The following SCAMP5 variants were observed in gnomAD, a reference collection of about 807,000 sequenced individuals.
SCAMP5 encodes secretory carrier membrane protein 5.
Under a neutral mutation model 28.3 loss-of-function variants are expected in SCAMP5, and 7 were observed. That is an observed-to-expected ratio of 0.25 (90% CI 0.14 to 0.46). The LOEUF (loss-of-function observed/expected upper bound fraction) is 0.46. Among genes scored for constraint, SCAMP5 ranks in the 20% least tolerant of loss-of-function variants. The pLI, the probability that SCAMP5 is intolerant of heterozygous loss-of-function variation, is 0.99. For missense variants in SCAMP5, 192 were observed against 312.5 expected, an observed-to-expected ratio of 0.61 and a Z score of 2.91; for synonymous variants, 117 against 116.4, an observed-to-expected ratio of 1.00 and a Z score of -0.03.
In SCAMP5 at chr15:74,995,605, C is replaced by A. The variant is rs969524246; in HGVS notation, c.-117C>A. On this transcript the variant is annotated 5_prime_UTR_variant, in exon 1 of 7. Coordinates refer to ENST00000425597, the MANE Select transcript of SCAMP5 (RefSeq NM_138967.4). ...GAGCGGCTCGCGGCCGGCTCCGCGC[C>A]GCATCGCTCGGGTGCAGCGCAGCTC... The A allele has an allele frequency of 2.7e-5, 4 of 146,296 alleles. No individual in the cohort carries two copies. Among genetic ancestry groups the A allele is most frequent in the Non-Finnish European group, 4.5e-5 (3 of 66,048 alleles). The allele number at this position is 146,296 out of a possible 1,614,324, so 9.1% of individuals were successfully genotyped here. A position where few individuals can be genotyped will look rare whatever the true frequency, so the allele number is the denominator to read the frequency against.
rs768510982 is a variant in SCAMP5 at position 75,008,501 on chromosome 15, C to CT, written c.-48-3275dup. Among the ~76,000 whole-genome samples, 734 of 130,958 alleles carry CT rather than the reference C, an allele frequency of 5.6e-3. 6 individuals carry two copies. The highest frequency in any genetic ancestry group is 0.011 in the South Asian group (47 of 4,156). The allele number at this position is 130,958 out of a possible 152,430, so 85.9% of individuals were successfully genotyped here. A position where few individuals can be genotyped will look rare whatever the true frequency, so the allele number is the denominator to read the frequency against. On this transcript the variant is annotated intron_variant, in intron 1 of 6. Coordinates refer to ENST00000425597, the MANE Select transcript of SCAMP5 (RefSeq NM_138967.4). ...GCAGTTTACTGAGCTCATCTTTATTCTTTTTTTTTTTTTTTTGAGACATGG... is the reference window on the plus strand; with the variant it reads ...GCAGTTTACTGAGCTCATCTTTATTCTTTTTTTTTTTTTTTTTGAGACATGG...
intron 1 of SCAMP5, among the ~76,000 whole-genome samples, chr15:75,008,280 T>A (rs1283858923): frequency 6.6e-6 from 1 of 152,124 alleles, no homozygotes; most frequent in Admixed American, 6.5e-5. Context: ...TCTCTACTCA[T>A]CGTAGCCCTT....
chr15:75,018,648 G>T lies in SCAMP5; in HGVS notation c.513+113G>T. The T allele has an allele frequency of 1.9e-6, 2 of 1,034,678 alleles. No individual in the cohort carries two copies. The highest frequency in any genetic ancestry group is 1.3e-5 in the South Asian group (1 of 79,166). 64.1% of individuals were successfully genotyped at this position (1,034,678 alleles called of 1,614,324 possible). ...CGAGGTCTTCCAAGGGACTCACTCTGGAATGGCCTGCAGGACTCTCCTACA... is the reference window on the plus strand; with the variant it reads ...CGAGGTCTTCCAAGGGACTCACTCTTGAATGGCCTGCAGGACTCTCCTACA... On this transcript the variant is annotated intron_variant, in intron 6 of 6. Coordinates refer to ENST00000425597, the MANE Select transcript of SCAMP5 (RefSeq NM_138967.4). The surrounding 1 kb of genome is among the most constrained non-coding windows in gnomAD (Gnocchi z 5.6).
At chr15:75,011,920 C>T in intron 2 of SCAMP5, 74 bp downstream of exon 2, 1 of 1,277,930 alleles carries the variant, frequency 7.8e-7, no homozygotes, top group Admixed American at 1.7e-5. Context: ...TCCTGGTTCC[C>T]TTATCTCCCC....
Position 75,010,535 on chromosome 15 carries a change from A to T in SCAMP5, c.-48-1257A>T, listed in dbSNP as rs138287914. On this transcript the variant is annotated intron_variant, in intron 1 of 6. Transcript: ENST00000425597. ...TGGCCATAGTGGCTTTCTTTCCCTT[A>T]TGATGGGTGGCTCATGCCTATAATC... 2.5e-3 allele frequency among the ~76,000 whole-genome samples: 381 copies of T among 152,250 alleles called. 1 individual carries two copies. The highest frequency in any genetic ancestry group is 0.01 in the Middle Eastern group (3 of 294).
At chr15:75,013,151 GA>G in intron 3 of SCAMP5, 1 of 233,508 alleles carries the variant, frequency 4.3e-6, no homozygotes, top group Non-Finnish European at 8.4e-6. Flanking sequence ...ACTTTCCAGG[GA>G]ACCTCTGGGG....
chr15:75,009,485 T>TGTGTGC (rs2065792062), intron 1 of SCAMP5, among the ~76,000 whole-genome samples: 1 of 81,440 alleles, frequency 1.2e-5, no homozygotes, highest in Non-Finnish European at 3.0e-5. Flanking sequence ...GTGTGTGTGC[T>TGTGTGC]TTTTTTCCTT....
At chr15:75,002,238 C>T (rs988507212) in intron 1 of SCAMP5, among the ~76,000 whole-genome samples, 3 of 151,922 alleles carry the variant, frequency 2.0e-5, no homozygotes, top group Admixed American at 6.6e-5. Context: ...GGATCCTGTT[C>T]GGCTTCCCAC....
chr15:75,010,721 G>A (rs1261546584), intron 1 of SCAMP5, among the ~76,000 whole-genome samples: 2 of 152,124 alleles, frequency 1.3e-5, no homozygotes, highest in East Asian at 3.9e-4. Flanking sequence ...CAGGAGGATG[G>A]CTTGAGCCCA....
Position 75,018,879 on chromosome 15 carries a change from C to G in SCAMP5, c.604C>G (p.Gln202Glu). The G allele has an allele frequency of 6.3e-7, 1 of 1,592,156 alleles. No individual in the cohort carries two copies. Among genetic ancestry groups the G allele is most frequent in the Non-Finnish European group, 8.5e-7 (1 of 1,174,042 alleles). The change falls in exon 7 of 7, where the codon CAG becomes GAG. Residue 202 changes from glutamine (Q) to glutamate (E), a missense_variant. Transcript: ENST00000425597. The surrounding 1 kb of genome is among the most constrained non-coding windows in gnomAD (Gnocchi z 5.6). ...GGCCTGGAAGAATCCACATGTGCAG[C>G]AGGCAGCCCAGAACGCAGCCATGGG... ...TGAWKNPHVQQAAQNAAMGAA... is the reference protein window; with the variant it reads ...TGAWKNPHVQEAAQNAAMGAA...
chr15:75,013,663 C>A (rs1330365115), intron 3 of SCAMP5, among the ~76,000 whole-genome samples: 1 of 152,000 alleles, frequency 6.6e-6, no homozygotes, highest in Non-Finnish European at 1.5e-5. Flanking sequence ...AGCAATACCC[C>A]ATCTCTTTAA....
intron 1 of SCAMP5, among the ~76,000 whole-genome samples, chr15:75,011,349 G>A (rs942844528): frequency 1.3e-5 from 2 of 152,154 alleles, no homozygotes; most frequent in Admixed American, 6.5e-5. Flanking sequence ...CTGTTTCATG[G>A]GGAGAGCAGG....
chr15:74,997,716 A>G (rs2065666122), intron 1 of SCAMP5, among the ~76,000 whole-genome samples: 1 of 152,160 alleles, frequency 6.6e-6, no homozygotes, highest in Admixed American at 6.5e-5. Flanking sequence ...TGAGCAGCCA[A>G]AGGTGGTGGG....
Position 75,012,735 on chromosome 15 carries a change from C to T in SCAMP5, c.66C>T (p.Tyr22=), listed in dbSNP as rs1276689780. The change falls in exon 3 of 7, where the codon TAC becomes TAT. Residue 22 remains tyrosine (Y), a synonymous_variant. Transcript: ENST00000425597. The part of the protein sequence containing the change: ...PKFIPLKPCF[Y]QDFEADIPPQ... Reference sequence around the variant, plus strand: ...TCATCCCGCTGAAGCCATGTTTCTACCAAGACTTCGAGGCAGATATTCCTC... The same window carrying T: ...TCATCCCGCTGAAGCCATGTTTCTATCAAGACTTCGAGGCAGATATTCCTC... 2 of 1,613,810 alleles carry T rather than the reference C, an allele frequency of 1.2e-6. No individual in the cohort carries two copies. The highest frequency in any genetic ancestry group is 1.7e-6 in the Non-Finnish European group (2 of 1,179,786).
At chr15:75,012,304 G>A (rs1595886891) in intron 2 of SCAMP5, among the ~76,000 whole-genome samples, 1 of 152,236 alleles carries the variant, frequency 6.6e-6, no homozygotes, top group Non-Finnish European at 1.5e-5. Flanking sequence ...TTGCCCCAGA[G>A]CACAAATGCT....
At chr15:75,006,514 A>G (rs1259775203) in intron 1 of SCAMP5, among the ~76,000 whole-genome samples, 1 of 151,914 alleles carries the variant, frequency 6.6e-6, no homozygotes, top group African/African-American at 2.4e-5. Flanking sequence ...TTGGCCGGGC[A>G]CTGTGGCTCA....
At position 75,018,693 on chromosome 15, in the gene SCAMP5, A is replaced by T; in HGVS notation, c.514-96A>T. 9.4e-7 allele frequency: 1 copy of T among 1,059,268 alleles called. No individual in the cohort carries two copies. Among genetic ancestry groups the T allele is most frequent in the Non-Finnish European group, 1.4e-6 (1 of 692,684 alleles). 65.6% of individuals were successfully genotyped at this position (1,059,268 alleles called of 1,614,324 possible). On this transcript the variant is annotated intron_variant, in intron 6 of 6. Coordinates refer to ENST00000425597, the MANE Select transcript of SCAMP5 (RefSeq NM_138967.4). The surrounding 1 kb of genome is among the most constrained non-coding windows in gnomAD (Gnocchi z 5.6). Reference sequence around the variant, plus strand: ...CCTACAGAGGCATTCATGGGGAGGGAGCACTGTTTTTTTTTTACAGATGGG... The same window carrying T: ...CCTACAGAGGCATTCATGGGGAGGGTGCACTGTTTTTTTTTTACAGATGGG...
chr15:75,012,603 AG>A (rs983341445), intron 2 of SCAMP5, 73 bp from the exon 3 acceptor site: 3 of 1,577,962 alleles, frequency 1.9e-6, no homozygotes, highest in Non-Finnish European at 2.6e-6. Context: ...CAGCACAGCC[AG>A]GGGAAGGATG....
chr15:75,016,829 C>CTTTTT, intron 4 of SCAMP5, 80 bp downstream of exon 4: 2 of 979,856 alleles, frequency 2.0e-6, no homozygotes, highest in Non-Finnish European at 2.8e-6. Flanking sequence ...TTTCTCACTT[C>CTTTTT]TTTTTTTTTT....
Sources: allele counts gnomAD v4.1 joint callset (sites outside exome capture counted in the v4.1 genomes callset), GRCh38; gene constraint gnomAD v4.1.1; non-coding constraint Gnocchi (gnomAD v3.1); transcripts MANE v1.5; gene names NCBI Gene and HGNC (gene_info 2026-07-23, HGNC 2026-07-21).